CAPZB: variants seen among roughly 807,000 people sequenced by gnomAD.
CAPZB encodes the protein capping actin protein of muscle Z-line subunit beta.
A neutral mutation model predicts 38.1 loss-of-function variants in CAPZB; 2 were observed. The observed-to-expected ratio is 0.05, with a 90% CI of 0.02 to 0.17. CAPZB has a LOEUF of 0.17. Among genes scored for constraint, CAPZB ranks in the 10% least tolerant of loss-of-function variants. The pLI is 1.00. For missense variants in CAPZB, 161 were observed against 334.2 expected (o/e 0.48, Z 4.04); for synonymous variants, 107 against 127.4 (o/e 0.84, Z 1.08).
At chr1:19,421,929 T>G (rs997132030) in intron 1 of CAPZB, among the ~76,000 whole-genome samples, 14 of 152,274 alleles carry the variant, frequency 9.2e-5, no homozygotes, top group Admixed American at 2.6e-4. Flanking sequence ...TTTAAAAATT[T>G]TAAATGATTC....
intron 2 of CAPZB, among the ~76,000 whole-genome samples, chr1:19,393,785 A>G (rs1393229312): frequency 2.0e-5 from 3 of 152,192 alleles, no homozygotes; most frequent in Non-Finnish European, 1.5e-5. Context: ...CCTGCCCCTC[A>G]CCACAGCCCA....
In CAPZB at chr1:19,339,519, G is replaced by A. The variant is rs1558163200; in HGVS notation, c.*11C>T. 6.3e-7 allele frequency: 1 copy of A among 1,599,996 alleles called. No individual in the cohort carries two copies. The highest frequency in any genetic ancestry group is 1.7e-5 in the Admixed American group (1 of 60,014). On this transcript the variant is annotated 3_prime_UTR_variant, in exon 9 of 9. Coordinates refer to ENST00000264202, the MANE Select transcript of CAPZB (RefSeq NM_004930.5). ...AGTGCACGGCGTGTCTGGTTAGCAT[G>A]AAACAGAGGTTTAGCATTGCTGCTT...
chr1:19,441,628 T>C (rs528919655), intron 1 of CAPZB, among the ~76,000 whole-genome samples: 3 of 150,342 alleles, frequency 2.0e-5, no homozygotes, highest in African/African-American at 7.4e-5. Context: ...TCACATCACA[T>C]CTTTCCCAAG....
chr1:19,455,014 G>C (rs1248127269), intron 1 of CAPZB, among the ~76,000 whole-genome samples: 1 of 152,240 alleles, frequency 6.6e-6, no homozygotes, highest in African/African-American at 2.4e-5. Flanking sequence ...GTCCCGCAAA[G>C]AGGAAGCCAA....
intron 1 of CAPZB, among the ~76,000 whole-genome samples, chr1:19,437,701 T>A (rs1039943032): frequency 7.2e-5 from 11 of 152,116 alleles, no homozygotes; most frequent in Non-Finnish European, 1.2e-4. Flanking sequence ...CTCCCCTTGC[T>A]CCCGCCAGCC....
chr1:19,421,090 A>G (rs981003312), intron 1 of CAPZB, among the ~76,000 whole-genome samples: 1 of 152,202 alleles, frequency 6.6e-6, no homozygotes, highest in African/African-American at 2.4e-5. Flanking sequence ...AGCAGCCACT[A>G]TCTGATTTGT....
chr1:19,481,505 C>G (rs994571243), intron 1 of CAPZB, among the ~76,000 whole-genome samples: 4 of 152,222 alleles, frequency 2.6e-5, no homozygotes, highest in Non-Finnish European at 5.9e-5. Flanking sequence ...AGCTCTCAAG[C>G]TTCAGGTTCC....
At chr1:19,481,765 C>G (rs1411743116) in intron 1 of CAPZB, among the ~76,000 whole-genome samples, 1 of 152,176 alleles carries the variant, frequency 6.6e-6, no homozygotes, top group East Asian at 1.9e-4. Flanking sequence ...GGGAGTGGAG[C>G]CTGGCACAAG....
chr1:19,365,721 C>T (rs534989646), intron 4 of CAPZB, among the ~76,000 whole-genome samples: 4 of 151,936 alleles, frequency 2.6e-5, no homozygotes, highest in Non-Finnish European at 4.4e-5. Context: ...GTAATCCCAG[C>T]GACTTGGGAG....
intron 4 of CAPZB, among the ~76,000 whole-genome samples, chr1:19,377,761 T>C (rs2094151102): frequency 6.6e-6 from 1 of 152,262 alleles, no homozygotes; most frequent in Non-Finnish European, 1.5e-5. Context: ...TAACTTTCTC[T>C]GGAGCCCTTC....
chr1:19,385,726 A>G (rs2094200518), intron 2 of CAPZB, 100 bp from the exon 3 acceptor site: 1 of 1,447,284 alleles, frequency 6.9e-7, no homozygotes, highest in Non-Finnish European at 9.7e-7. Flanking sequence ...AGTACCTTTA[A>G]CATCTGGCCC....
At chr1:19,366,430 T>G (rs1231652701) in intron 4 of CAPZB, among the ~76,000 whole-genome samples, 1 of 151,800 alleles carries the variant, frequency 6.6e-6, no homozygotes, top group Admixed American at 6.6e-5. Context: ...GGCTCATGCC[T>G]ATAATCCCGG....
intron 4 of CAPZB, among the ~76,000 whole-genome samples, chr1:19,372,347 G>A (rs1473701627): frequency 1.3e-5 from 2 of 152,214 alleles, no homozygotes; most frequent in Non-Finnish European, 2.9e-5. Flanking sequence ...GATGTCTGGC[G>A]CAGATGGGAG....
At chr1:19,481,097 A>G (rs967542707) in intron 1 of CAPZB, among the ~76,000 whole-genome samples, 13 of 151,954 alleles carry the variant, frequency 8.6e-5, no homozygotes, top group Non-Finnish European at 1.5e-4. Flanking sequence ...TCCTAACTCT[A>G]TTTTCTTGTA....
intron 1 of CAPZB, chr1:19,448,930 G>A (rs550148405): frequency 7.3e-5 from 118 of 1,612,694 alleles, no homozygotes; most frequent in Non-Finnish European, 9.8e-5. Context: ...GAGGTGATGG[G>A]TTAATAACAA....
At chr1:19,347,652 G>A (rs1200569747) in intron 6 of CAPZB, among the ~76,000 whole-genome samples, 2 of 152,206 alleles carry the variant, frequency 1.3e-5, no homozygotes, top group Non-Finnish European at 2.9e-5. Flanking sequence ...AGGCCCAGCT[G>A]AGAGAACGAC....
chr1:19,428,804 C>A (rs2094432624), intron 1 of CAPZB, among the ~76,000 whole-genome samples: 1 of 152,072 alleles, frequency 6.6e-6, no homozygotes, highest in Non-Finnish European at 1.5e-5. Flanking sequence ...CTGGCAGACA[C>A]AACCGAACAG....
At chr1:19,484,559 AG>A in intron 1 of CAPZB, 1 of 1,268,056 alleles carries the variant, frequency 7.9e-7, no homozygotes, top group Non-Finnish European at 1.0e-6. Context: ...CGGCCTCCCT[AG>A]AAGCGGCAAC....
At chr1:19,457,784 C>T (rs2094537546) in intron 1 of CAPZB, among the ~76,000 whole-genome samples, 1 of 152,022 alleles carries the variant, frequency 6.6e-6, no homozygotes, top group Admixed American at 6.6e-5. Context: ...GGCACGGTAA[C>T]GTTACTCCTG....
Sources: gnomAD v4.1 joint callset for allele counts (sites outside exome capture counted in the v4.1 genomes callset) on GRCh38, gnomAD v4.1.1 for gene constraint, MANE v1.5 for transcripts, NCBI Gene and HGNC (gene_info 2026-07-23, HGNC 2026-07-21) for gene names.